TRAPPC9: variants seen among roughly 807,000 people sequenced by gnomAD.
TRAPPC9 encodes the protein trafficking protein particle complex subunit 9, also known as IKK2 binding protein.
In TRAPPC9, 83 loss-of-function variants were observed where a neutral mutation model predicts 124.0. That is an observed-to-expected ratio of 0.67 (90% CI 0.56 to 0.80). TRAPPC9 has a LOEUF of 0.80. Among genes scored for constraint, TRAPPC9 ranks in the 30% least tolerant of loss-of-function variants. TRAPPC9 has a pLI of 0.00. For missense variants in TRAPPC9, 1,302 were observed against 1,508.3 expected, an observed-to-expected ratio of 0.86 and a Z score of 2.27; for synonymous variants, 638 against 617.5, an observed-to-expected ratio of 1.03 and a Z score of -0.49.
At chr8:140,446,063 C>T (rs896885229) in intron 2 of TRAPPC9, among the ~76,000 whole-genome samples, 5 of 152,148 alleles carry the variant, frequency 3.3e-5, no homozygotes, top group African/African-American at 1.2e-4. Flanking sequence ...GAGGCCAAGG[C>T]AGGTGGATCA....
chr8:140,393,032 T>TTTTTTTTATTTTATTTTATTTTATTTTA (rs574235886), intron 7 of TRAPPC9, among the ~76,000 whole-genome samples: 11 of 138,096 alleles, frequency 8.0e-5, no homozygotes, highest in Middle Eastern at 3.9e-3. Flanking sequence ...TCCCATTTTA[T>TTTTTTTTATTTTATTTTATTTTATTTTA]TTTTATTTTA....
intron 8 of TRAPPC9, among the ~76,000 whole-genome samples, chr8:140,364,292 C>CAAAAAAAAAAAAA (rs34616334): frequency 1.9e-5 from 1 of 53,066 alleles, no homozygotes. Flanking sequence ...TCAAAGGATG[C>CAAAAAAAAAAAAA]AAAAAAAAAA....
intron 17 of TRAPPC9, among the ~76,000 whole-genome samples, chr8:140,045,184 G>C (rs2132050304): frequency 6.6e-6 from 1 of 152,300 alleles, no homozygotes; most frequent in East Asian, 1.9e-4. Flanking sequence ...CACCAGTCCA[G>C]TATTGCTATT....
Position 139,729,606 on chromosome 8 carries a change from G to A in TRAPPC9, c.*1455C>T, listed in dbSNP as rs116437828. 3.1e-3 allele frequency among the ~76,000 whole-genome samples: 466 copies of A among 152,302 alleles called. No homozygotes were observed. The highest frequency in any genetic ancestry group is 0.011 in the African/African-American group (450 of 41,564). On this transcript the variant is annotated 3_prime_UTR_variant, in exon 23 of 23. Coordinates refer to ENST00000438773, the MANE Select transcript of TRAPPC9 (RefSeq NM_001160372.4). ...AGTGTGCTCCCATCATTCACTGAGC[G>A]ACAACAGGAGGCCACAGATGGAACA...
chr8:140,428,729 G>GT (rs2132563114), intron 4 of TRAPPC9, among the ~76,000 whole-genome samples: 2 of 152,250 alleles, frequency 1.3e-5, no homozygotes, highest in African/African-American at 4.8e-5. Flanking sequence ...TTCAGTAGTT[G>GT]TATTTTGTTG....
chr8:139,818,646 T>C (rs1346785148), intron 21 of TRAPPC9, among the ~76,000 whole-genome samples: 1 of 152,200 alleles, frequency 6.6e-6, no homozygotes, highest in East Asian at 1.9e-4. Context: ...CAACTGGCTA[T>C]TGTGGGGGTA....
intron 5 of TRAPPC9, among the ~76,000 whole-genome samples, chr8:140,419,281 T>C (rs1003477852): frequency 1.3e-5 from 2 of 149,884 alleles, no homozygotes; most frequent in Non-Finnish European, 3.0e-5. Flanking sequence ...ACAAAAAAAT[T>C]AGCCGCGCGT....
intron 8 of TRAPPC9, among the ~76,000 whole-genome samples, chr8:140,361,140 G>A (rs145351102): frequency 2.0e-5 from 3 of 152,324 alleles, no homozygotes; most frequent in East Asian, 1.9e-4. Flanking sequence ...ATGAAAAAAC[G>A]CATAAATGCA....
intron 17 of TRAPPC9, among the ~76,000 whole-genome samples, chr8:140,202,008 G>A (rs1391241074): frequency 6.6e-6 from 1 of 152,146 alleles, no homozygotes; most frequent in Non-Finnish European, 1.5e-5. Flanking sequence ...GAAAGACTTT[G>A]GAGTCAGGCA....
At chr8:140,430,678 G>T (rs1262580247) in intron 4 of TRAPPC9, among the ~76,000 whole-genome samples, 1 of 152,198 alleles carries the variant, frequency 6.6e-6, no homozygotes. Flanking sequence ...TTGCCCTGTA[G>T]CCCAGGCTGG....
At chr8:140,036,494 T>A (rs9324517) in intron 17 of TRAPPC9, among the ~76,000 whole-genome samples, 5 of 151,936 alleles carry the variant, frequency 3.3e-5, no homozygotes, top group Non-Finnish European at 7.4e-5. Context: ...CGAAAAAAAA[T>A]GAGAAGAATG....
At chr8:139,819,738 G>A (rs1457845973) in intron 21 of TRAPPC9, among the ~76,000 whole-genome samples, 1 of 152,068 alleles carries the variant, frequency 6.6e-6, no homozygotes, top group Non-Finnish European at 1.5e-5. Context: ...TCCAGGCCGG[G>A]CGCAGTGGCT....
chr8:140,445,393 T>C (rs2071207943), intron 2 of TRAPPC9, among the ~76,000 whole-genome samples: 1 of 152,188 alleles, frequency 6.6e-6, no homozygotes, highest in African/African-American at 2.4e-5. Flanking sequence ...GAAAGGCGCT[T>C]GTCTCTCACA....
At chr8:140,175,097 G>C (rs1200891996) in intron 17 of TRAPPC9, among the ~76,000 whole-genome samples, 1 of 150,502 alleles carries the variant, frequency 6.6e-6, no homozygotes, top group Non-Finnish European at 1.5e-5. Context: ...ACATGGTGTT[G>C]CCTGGTTTCA....
chr8:140,031,884 G>C (rs1417129856), intron 17 of TRAPPC9, among the ~76,000 whole-genome samples: 1 of 152,146 alleles, frequency 6.6e-6, no homozygotes. Context: ...TCCAAAGGAG[G>C]GGGTATGTCT....
intron 6 of TRAPPC9, among the ~76,000 whole-genome samples, chr8:140,401,807 G>A (rs962649104): frequency 6.6e-6 from 1 of 151,620 alleles, no homozygotes; most frequent in African/African-American, 2.4e-5. Flanking sequence ...TGTATATTTT[G>A]TAGAGGCGGG....
intron 17 of TRAPPC9, among the ~76,000 whole-genome samples, chr8:140,165,559 A>AGGGAAGGGAAGAGGAG (rs900399152): frequency 1.6e-5 from 2 of 126,454 alleles, no homozygotes; most frequent in Non-Finnish European, 3.2e-5. Flanking sequence ...AATGAAAGAA[A>AGGGAAGGGAAGAGGAG]GGGAAGGGAA....
rs577005493 is a variant in TRAPPC9 at position 140,409,720 on chromosome 8, A to G, written c.887-4022T>C. On this transcript the variant is annotated intron_variant, in intron 5 of 22. Coordinates refer to ENST00000438773, the MANE Select transcript of TRAPPC9 (RefSeq NM_001160372.4). ...CAAAAAACACCAAGTACAAAAGAATATATGTAATATCTTACCTTTTGCACA... is the reference window on the plus strand; with the variant it reads ...CAAAAAACACCAAGTACAAAAGAATGTATGTAATATCTTACCTTTTGCACA... Among the ~76,000 whole-genome samples the G allele has an allele frequency of 9.8e-5, 15 of 152,340 alleles. 1 individual carries two copies. The highest frequency in any genetic ancestry group is 3.4e-4 in the African/African-American group (14 of 41,588).
chr8:139,902,936 C>T (rs762767933), intron 20 of TRAPPC9, among the ~76,000 whole-genome samples: 19 of 152,184 alleles, frequency 1.2e-4, no homozygotes, highest in Non-Finnish European at 2.1e-4. Flanking sequence ...GCCTAAAATC[C>T]TTACACTGTC....
Sources: gnomAD v4.1 joint callset for allele counts (sites outside exome capture counted in the v4.1 genomes callset) on GRCh38, gnomAD v4.1.1 for gene constraint, MANE v1.5 for transcripts, NCBI Gene and HGNC (gene_info 2026-07-23, HGNC 2026-07-21) for gene names.